ABHD12: variants seen among roughly 807,000 people sequenced by gnomAD.
The protein encoded by ABHD12 is abhydrolase domain containing 12, lysophospholipase.
In ABHD12, 43 loss-of-function variants were observed where a neutral mutation model predicts 58.3. That is an observed-to-expected ratio of 0.74 (90% CI 0.58 to 0.95). The LOEUF (loss-of-function observed/expected upper bound fraction) is 0.95, where lower values mean the gene tolerates loss of function less well. Ranked by LOEUF, ABHD12 falls within the 40% of genes least tolerant of loss-of-function variation. The pLI is 0.00. For missense variants in ABHD12, 539 were observed against 537.2 expected (o/e 1.00, Z -0.03); for synonymous variants, 219 against 211.2 (o/e 1.04, Z -0.32).
At chr20:25,360,256 T>TTTTTTTTTTC (rs2089728459) in intron 1 of ABHD12, among the ~76,000 whole-genome samples, 1 of 135,752 alleles carries the variant, frequency 7.4e-6, no homozygotes, top group Non-Finnish European at 1.6e-5. Context: ...TTTTTTTTTT[T>TTTTTTTTTTC]TTGAGATGGA....
chr20:25,390,571 G>C lies in ABHD12; in HGVS notation c.133C>G (p.Pro45Ala). The C allele has an allele frequency of 6.8e-7, 1 of 1,470,092 alleles. No individual in the cohort carries two copies. Among genetic ancestry groups the C allele is most frequent in the Non-Finnish European group, 9.0e-7 (1 of 1,116,632 alleles). 91.1% of individuals were successfully genotyped at this position (1,470,092 alleles called of 1,614,324 possible). A position where few individuals can be genotyped will look rare whatever the true frequency, so the allele number is the denominator to read the frequency against. Residue 45 changes from proline (P) to alanine (A), a missense_variant, in exon 1 of 13, where the codon CCG becomes GCG. Transcript: ENST00000339157. ...RLKQNLRLTG[P>A]AAAEPRCAAD... ...GCGCAGCGCGGCTCAGCCGCCGCCG[G>C]GCCCGTCAGGCGTAGGTTCTGCTTC...
intron 1 of ABHD12, among the ~76,000 whole-genome samples, chr20:25,376,520 G>T (rs2089964716): frequency 6.6e-6 from 1 of 152,164 alleles, no homozygotes; most frequent in Non-Finnish European, 1.5e-5. Flanking sequence ...CTGTGAGAAG[G>T]CCTTATTTTC....
At chr20:25,297,964 G>A (rs7020), downstream of ABHD12, 64,945 of 152,136 alleles carry the variant, frequency 0.43, 14,661 homozygotes, top group East Asian at 0.92. Context: ...CATTGTTACT[G>A]CCTTGTGAGA....
At chr20:25,351,004 CA>C (rs1568751669) in intron 1 of ABHD12, among the ~76,000 whole-genome samples, 96 of 121,308 alleles carry the variant, frequency 7.9e-4, no homozygotes, top group Middle Eastern at 4.4e-3. Context: ...CACACACACA[CA>C]CACACCCTTA....
intron 6 of ABHD12, among the ~76,000 whole-genome samples, chr20:25,309,953 G>A (rs2088817992): frequency 6.6e-6 from 1 of 152,250 alleles, no homozygotes; most frequent in African/African-American, 2.4e-5. Flanking sequence ...GGCATCCTCA[G>A]GCCAGGGCTG....
intron 1 of ABHD12, among the ~76,000 whole-genome samples, chr20:25,356,282 G>T (rs2089667248): frequency 6.6e-6 from 1 of 152,210 alleles, no homozygotes; most frequent in Non-Finnish European, 1.5e-5. Context: ...GGGGGCACAG[G>T]GCTCCTTAGG....
chr20:25,324,446 T>A (rs897572987), intron 2 of ABHD12, among the ~76,000 whole-genome samples: 2 of 152,124 alleles, frequency 1.3e-5, no homozygotes, highest in African/African-American at 4.8e-5. Context: ...AAACAAAAAA[T>A]TTAAAATAAA....
At chr20:25,300,145 A>G (rs2259873), downstream of ABHD12, 428,849 of 964,510 alleles carry the variant, frequency 0.44, 96,847 homozygotes, top group East Asian at 0.92. Flanking sequence ...GCTAGAGGCT[A>G]GGCTGTGGGC....
chr20:25,384,258 A>G (rs2146139950), intron 1 of ABHD12, among the ~76,000 whole-genome samples: 1 of 151,774 alleles, frequency 6.6e-6, no homozygotes, highest in South Asian at 2.1e-4. Context: ...GAGTTGACCT[A>G]TGAATGAGAT....
intron 1 of ABHD12, among the ~76,000 whole-genome samples, chr20:25,355,300 C>T (rs1013877920): frequency 2.0e-5 from 3 of 151,832 alleles, no homozygotes; most frequent in African/African-American, 7.3e-5. Flanking sequence ...ATGCAGAAAA[C>T]AAAGATTTTA....
intron 11 of ABHD12, 40 bp downstream of exon 11, chr20:25,303,510 C>A (rs750234838): frequency 6.2e-7 from 1 of 1,608,796 alleles, no homozygotes; most frequent in East Asian, 2.2e-5. Context: ...GCTGAGTGTG[C>A]AAGATGCCAG....
intron 5 of ABHD12, among the ~76,000 whole-genome samples, chr20:25,315,862 T>A (rs1424069220): frequency 1.3e-5 from 2 of 150,882 alleles, no homozygotes; most frequent in Non-Finnish European, 2.9e-5. Flanking sequence ...TCTGTCTGTG[T>A]TCCCTTCTGC....
chr20:25,297,353 G>A (rs1047924416), downstream of ABHD12: 1 of 152,372 alleles, frequency 6.6e-6, no homozygotes, highest in African/African-American at 2.4e-5. Context: ...ACTGAAAATT[G>A]TACTTGGTCA....
intron 1 of ABHD12, among the ~76,000 whole-genome samples, chr20:25,388,114 G>GTA (rs1449250194): frequency 3.2e-4 from 47 of 148,014 alleles, no homozygotes; most frequent in African/African-American, 1.2e-3. Context: ...ATTCAAAATT[G>GTA]GCTAAACACT....
downstream of ABHD12, chr20:25,300,110 T>TCCA (rs1954758864): frequency 1.2e-6 from 1 of 828,756 alleles, no homozygotes; most frequent in African/African-American, 1.9e-5. Context: ...AGTCTGAGGC[T>TCCA]GAGTCATGGA....
At chr20:25,368,186 G>T in intron 1 of ABHD12, 1 of 1,079,280 alleles carries the variant, frequency 9.3e-7, no homozygotes, top group Non-Finnish European at 1.4e-6. Context: ...AAGATTCTAG[G>T]ATACTGAGAG....
At chr20:25,315,149 A>G (rs544098257) in intron 5 of ABHD12, among the ~76,000 whole-genome samples, 179 bp from the exon 6 acceptor site, 2 of 152,320 alleles carry the variant, frequency 1.3e-5, no homozygotes, top group African/African-American at 4.8e-5. Flanking sequence ...CAAGATGCCA[A>G]CTGCCACTGC....
chr20:25,316,235 C>T (rs2088959566), intron 5 of ABHD12, among the ~76,000 whole-genome samples: 2 of 152,204 alleles, frequency 1.3e-5, no homozygotes, highest in Admixed American at 6.5e-5. Flanking sequence ...TCTTGGCTCA[C>T]TGCAACCTCC....
intron 2 of ABHD12, among the ~76,000 whole-genome samples, chr20:25,338,597 G>A (rs531241165): frequency 5.9e-5 from 9 of 152,106 alleles, no homozygotes; most frequent in African/African-American, 1.9e-4. Context: ...AATACACAGC[G>A]TGAAAAAACA....
Sources: gnomAD v4.1 joint callset for allele counts (sites outside exome capture counted in the v4.1 genomes callset) on GRCh38, gnomAD v4.1.1 for gene constraint, MANE v1.5 for transcripts, NCBI Gene and HGNC (gene_info 2026-07-23, HGNC 2026-07-21) for gene names.